Variants in UNC13C observed in about 807,000 individuals in gnomAD.
The protein encoded by UNC13C is unc-13 homolog C, also known as protein unc-13 homolog C.
A neutral mutation model predicts 245.4 loss-of-function variants in UNC13C; 174 were observed. That is an observed-to-expected ratio of 0.71 (90% CI 0.63 to 0.80). The LOEUF (loss-of-function observed/expected upper bound fraction) is 0.80, where lower values mean the gene tolerates loss of function less well. Ranked by LOEUF, UNC13C falls within the 30% of genes least tolerant of loss-of-function variation. The pLI is 0.00. For missense variants in UNC13C, 2,829 were observed against 2,602.9 expected, an observed-to-expected ratio of 1.09 and a Z score of -1.89; for synonymous variants, 992 against 895.1, an observed-to-expected ratio of 1.11 and a Z score of -1.93.
At chr15:54,226,766 G>A (rs934986717) in intron 4 of UNC13C, among the ~76,000 whole-genome samples, 1 of 152,188 alleles carries the variant, frequency 6.6e-6, no homozygotes, top group South Asian at 2.1e-4. Flanking sequence ...AGGTGCAGCT[G>A]GACCAGATGT....
At chr15:54,260,123 CATTTAATAAA>C (rs1474621679) in intron 8 of UNC13C, among the ~76,000 whole-genome samples, 4 of 152,110 alleles carry the variant, frequency 2.6e-5, no homozygotes, top group Non-Finnish European at 4.4e-5. Flanking sequence ...TTGGAATACA[CATTTAATAAA>C]ATTTGGGCCT....
At chr15:54,375,189 CAT>C (rs896505385) in intron 17 of UNC13C, among the ~76,000 whole-genome samples, 7 of 152,180 alleles carry the variant, frequency 4.6e-5, no homozygotes, top group African/African-American at 1.4e-4. Flanking sequence ...ATGTTTTCCA[CAT>C]AGTTACAGAG....
intron 17 of UNC13C, among the ~76,000 whole-genome samples, chr15:54,344,336 G>A (rs921524939): frequency 7.9e-5 from 12 of 152,048 alleles, no homozygotes; most frequent in African/African-American, 2.9e-4. Context: ...AAGCAAACGT[G>A]CCCCTAACAA....
chr15:54,396,110 A>C (rs2040064716), intron 18 of UNC13C, among the ~76,000 whole-genome samples: 1 of 151,686 alleles, frequency 6.6e-6, no homozygotes, highest in Admixed American at 6.6e-5. Flanking sequence ...ATTGAGGTAT[A>C]ATTGAATATA....
chr15:54,425,449 A>T (rs776922251), intron 19 of UNC13C, among the ~76,000 whole-genome samples: 7 of 151,886 alleles, frequency 4.6e-5, no homozygotes, highest in Non-Finnish European at 1.0e-4. Flanking sequence ...TTTTCATGCT[A>T]TGCTCCACAT....
chr15:54,176,881 CAT>C (rs2033633969), intron 4 of UNC13C, among the ~76,000 whole-genome samples: 1 of 151,924 alleles, frequency 6.6e-6, no homozygotes, highest in African/African-American at 2.4e-5. Context: ...ATAAAAGAAA[CAT>C]AAATGCTACT....
intron 4 of UNC13C, among the ~76,000 whole-genome samples, chr15:54,216,086 GAGAC>G (rs1375551189): frequency 2.6e-5 from 4 of 151,992 alleles, no homozygotes; most frequent in South Asian, 4.1e-4. Context: ...GTGAGGATGA[GAGAC>G]AGTGAGTGTG....
chr15:53,952,088 A>T, the UNC13C span, among the ~76,000 whole-genome samples: 1 of 152,194 alleles, frequency 6.6e-6, no homozygotes, highest in Non-Finnish European at 1.5e-5. Flanking sequence ...GCATGTAGTC[A>T]TGAGCTGAGG....
intron 19 of UNC13C, among the ~76,000 whole-genome samples, chr15:54,463,281 G>GGC (rs1891977269): frequency 1.4e-5 from 1 of 68,966 alleles, no homozygotes; most frequent in South Asian, 6.9e-4. Flanking sequence ...GGGGGGGGGG[G>GGC]GCCGGTCAGG....
intron 4 of UNC13C, among the ~76,000 whole-genome samples, chr15:54,167,463 C>T (rs375013944): frequency 1.4e-4 from 20 of 138,982 alleles, no homozygotes; most frequent in African/African-American, 4.8e-4. Flanking sequence ...GATCGCGCCA[C>T]TGCACTCCAG....
intron 10 of UNC13C, among the ~76,000 whole-genome samples, chr15:54,269,112 A>C (rs2036621285): frequency 6.6e-6 from 1 of 151,874 alleles, no homozygotes; most frequent in Non-Finnish European, 1.5e-5. Context: ...AACGTGCAGC[A>C]AACTATCTAC....
At chr15:54,386,662 G>A (rs1197087276) in intron 17 of UNC13C, among the ~76,000 whole-genome samples, 1 of 152,184 alleles carries the variant, frequency 6.6e-6, no homozygotes, top group Non-Finnish European at 1.5e-5. Context: ...TGCAGAGATT[G>A]TGGGCCAGAG....
At chr15:54,001,169 A>G (rs1339112053) in intron 1 of UNC13C, among the ~76,000 whole-genome samples, 1 of 152,212 alleles carries the variant, frequency 6.6e-6, no homozygotes, top group Non-Finnish European at 1.5e-5. Flanking sequence ...ATGAAAAGTC[A>G]TTAAAGAGCT....
intron 1 of UNC13C, among the ~76,000 whole-genome samples, chr15:54,003,222 C>G (rs10459616): frequency 0.46 from 70,092 of 152,002 alleles, 18,081 homozygotes; most frequent in Non-Finnish European, 0.58. Context: ...GGGCTTGTTT[C>G]TGAGGATAAA....
At chr15:54,456,614 A>G (rs1421287111) in intron 19 of UNC13C, among the ~76,000 whole-genome samples, 1 of 149,340 alleles carries the variant, frequency 6.7e-6, no homozygotes, top group Non-Finnish European at 1.5e-5. Flanking sequence ...TTATTTATTT[A>G]TTTATTTATT....
At chr15:53,925,406 C>T in the UNC13C span, among the ~76,000 whole-genome samples, 1 of 152,160 alleles carries the variant, frequency 6.6e-6, no homozygotes, top group African/African-American at 2.4e-5. Context: ...CACAGCCTGT[C>T]CTTCCCATGA....
chr15:54,405,389 T>G (rs2040270098), intron 18 of UNC13C, among the ~76,000 whole-genome samples: 1 of 152,114 alleles, frequency 6.6e-6, no homozygotes. Flanking sequence ...AAAATAAGCC[T>G]CTAGCAAATA....
chr15:53,873,607 T>C, the UNC13C span, among the ~76,000 whole-genome samples: 2,015 of 152,218 alleles, frequency 0.013, 45 homozygotes, highest in African/African-American at 0.046. Context: ...ATACTTCCAA[T>C]TGTGGGAGAA....
the UNC13C span, among the ~76,000 whole-genome samples, chr15:53,852,872 T>G: frequency 6.6e-6 from 1 of 152,126 alleles, no homozygotes; most frequent in Non-Finnish European, 1.5e-5. Context: ...TTTATTTGGG[T>G]AGCTAATGGT....
Sources: allele counts gnomAD v4.1 joint callset (sites outside exome capture counted in the v4.1 genomes callset), GRCh38; gene constraint gnomAD v4.1.1; transcripts MANE v1.5; gene names NCBI Gene and HGNC (gene_info 2026-07-23, HGNC 2026-07-21).